The following MACROD2 variants were observed in gnomAD, a reference collection of about 807,000 sequenced individuals.
The protein encoded by MACROD2 is mono-ADP ribosylhydrolase 2, also known as ADP-ribose glycohydrolase MACROD2.
In MACROD2, 36 loss-of-function variants were observed where a neutral mutation model predicts 70.4. The observed-to-expected ratio is 0.51, with a 90% CI of 0.39 to 0.68. MACROD2 has a LOEUF of 0.68. MACROD2 is among the 30% of genes least tolerant of loss of function. The pLI, the probability that MACROD2 is intolerant of heterozygous loss-of-function variation, is 0.00. For synonymous variants in MACROD2, 172 were observed against 178.8 expected (o/e 0.96, Z 0.30); for missense variants, 496 against 538.4 (o/e 0.92, Z 0.78).
intron 5 of MACROD2, among the ~76,000 whole-genome samples, chr20:15,072,170 G>T (rs1325347396): frequency 6.6e-6 from 1 of 151,980 alleles, no homozygotes; most frequent in Admixed American, 6.6e-5. Context: ...TACATATTTT[G>T]TTTCAGAGAC....
At chr20:15,274,973 T>C (rs925742546) in intron 6 of MACROD2, among the ~76,000 whole-genome samples, 2 of 151,948 alleles carry the variant, frequency 1.3e-5, no homozygotes, top group African/African-American at 4.8e-5. Flanking sequence ...AGGCATATTC[T>C]AGGCAGTGTG....
intron 6 of MACROD2, among the ~76,000 whole-genome samples, chr20:15,405,060 A>G (rs2045981159): frequency 6.6e-6 from 1 of 152,220 alleles, no homozygotes; most frequent in Non-Finnish European, 1.5e-5. Flanking sequence ...GATTACATTT[A>G]TATAAAATGT....
intron 11 of MACROD2, among the ~76,000 whole-genome samples, chr20:15,933,871 C>G (rs2065616566): frequency 6.6e-6 from 1 of 152,170 alleles, no homozygotes; most frequent in Admixed American, 6.5e-5. Flanking sequence ...CTAAACCCTT[C>G]CTGACATCCC....
At chr20:15,641,863 C>G (rs2049465043) in intron 8 of MACROD2, among the ~76,000 whole-genome samples, 1 of 152,178 alleles carries the variant, frequency 6.6e-6, no homozygotes. Flanking sequence ...ATATCCTTCT[C>G]TTGCCAAAAC....
chr20:15,961,240 G>T (rs1388305705), intron 12 of MACROD2, among the ~76,000 whole-genome samples: 1 of 152,126 alleles, frequency 6.6e-6, no homozygotes, highest in African/African-American at 2.4e-5. Context: ...TCTCACTCAG[G>T]TGAGTTTGTG....
chr20:14,478,040 G>C (rs867744564), intron 3 of MACROD2, among the ~76,000 whole-genome samples: 1 of 152,124 alleles, frequency 6.6e-6, no homozygotes, highest in African/African-American at 2.4e-5. Context: ...AGCAGACTCC[G>C]AGATAAAGGT....
intron 6 of MACROD2, among the ~76,000 whole-genome samples, chr20:15,297,259 G>T (rs1359213885): frequency 1.3e-5 from 2 of 152,110 alleles, no homozygotes; most frequent in Non-Finnish European, 2.9e-5. Flanking sequence ...AATAAGTGCT[G>T]AGTGTTCTTT....
chr20:14,251,988 T>C (rs1047242462), intron 3 of MACROD2, among the ~76,000 whole-genome samples: 5 of 152,060 alleles, frequency 3.3e-5, no homozygotes, highest in African/African-American at 9.7e-5. Context: ...CTTAATTTGG[T>C]TGTAAGCAAT....
At chr20:15,216,353 A>G (rs1366339785) in intron 5 of MACROD2, among the ~76,000 whole-genome samples, 3 of 152,092 alleles carry the variant, frequency 2.0e-5, no homozygotes, top group African/African-American at 7.2e-5. Context: ...TTAAAAATTA[A>G]AAAATTTAAA....
Position 14,085,675 on chromosome 20 carries a change from C to A in MACROD2, c.218C>A (p.Ser73Tyr). The A allele has an allele frequency of 6.3e-7, 1 of 1,580,022 alleles. No homozygotes were observed. The highest frequency in any genetic ancestry group is 1.7e-5 in the Admixed American group (1 of 57,536). The change falls in exon 3 of 18, where the codon TCT becomes TAT. Residue 73 changes from serine to tyrosine, a missense_variant. Coordinates refer to ENST00000684519, the MANE Select transcript of MACROD2 (RefSeq NM_001351661.2). Reference sequence around the variant, plus strand: ...AAGAAAAGTTTGACTGAAAAAGTTTCTCTCTATAGAGGTGACATCACATTG... The same window carrying A: ...AAGAAAAGTTTGACTGAAAAAGTTTATCTCTATAGAGGTGACATCACATTG... ...QVKKSLTEKV[S>Y]LYRGDITLLE...
chr20:16,023,506 T>G, intron 15 of MACROD2, among the ~76,000 whole-genome samples: 1 of 146,968 alleles, frequency 6.8e-6, no homozygotes. Flanking sequence ...AGATGGTGCC[T>G]TGGTTTATGG....
chr20:14,394,270 G>A (rs1179634019), intron 3 of MACROD2, among the ~76,000 whole-genome samples: 1 of 152,212 alleles, frequency 6.6e-6, no homozygotes, highest in Non-Finnish European at 1.5e-5. Flanking sequence ...CATATATTTA[G>A]ATCTTCTTTA....
chr20:14,972,217 G>T (rs2074698245), intron 5 of MACROD2, among the ~76,000 whole-genome samples: 3 of 152,208 alleles, frequency 2.0e-5, no homozygotes, highest in Non-Finnish European at 2.9e-5. Context: ...TTCTATTGGT[G>T]TAAGTAGTCA....
chr20:15,229,280 G>A (rs973123303), intron 5 of MACROD2, among the ~76,000 whole-genome samples: 1 of 152,126 alleles, frequency 6.6e-6, no homozygotes, highest in African/African-American at 2.4e-5. Flanking sequence ...GCATTAAAAT[G>A]TTTGAATGTT....
rs192436450 is a variant in MACROD2, at chr20:14,295,309, C to T, written c.272-198170C>T. Among the ~76,000 whole-genome samples, 216 of 151,970 alleles carry T rather than the reference C, an allele frequency of 1.4e-3. 2 individuals are homozygous for T. The highest frequency in any genetic ancestry group is 0.013 in the Admixed American group (199 of 15,276). On this transcript the variant is annotated intron_variant, in intron 3 of 17. Coordinates refer to ENST00000684519, the MANE Select transcript of MACROD2 (RefSeq NM_001351661.2). ...TGTAATAAAAAACTAGAAAATCAAACACAAAATATGTAACAACTGTTTTCA... is the reference window on the plus strand; with the variant it reads ...TGTAATAAAAAACTAGAAAATCAAATACAAAATATGTAACAACTGTTTTCA...
intron 5 of MACROD2, among the ~76,000 whole-genome samples, chr20:15,094,249 T>C (rs972347410): frequency 3.3e-5 from 5 of 152,186 alleles, no homozygotes; most frequent in Non-Finnish European, 7.3e-5. Context: ...TAATAATACT[T>C]TGATGTACTT....
At chr20:14,705,736 T>A (rs1420519394) in intron 5 of MACROD2, among the ~76,000 whole-genome samples, 3 of 152,222 alleles carry the variant, frequency 2.0e-5, no homozygotes. Flanking sequence ...GGACTTTAAT[T>A]CTAAATTCAT....
chr20:14,446,456 G>T (rs1477705695), intron 3 of MACROD2, among the ~76,000 whole-genome samples: 2 of 152,026 alleles, frequency 1.3e-5, no homozygotes, highest in Non-Finnish European at 2.9e-5. Flanking sequence ...CTCAAGTTTT[G>T]AAGAGTTAGA....
intron 6 of MACROD2, among the ~76,000 whole-genome samples, chr20:15,323,267 A>C (rs2077891904): frequency 6.6e-6 from 1 of 152,190 alleles, no homozygotes; most frequent in Admixed American, 6.6e-5. Context: ...TGACAGGACC[A>C]TTGGCTTGCA....
Sources: gnomAD v4.1 joint callset for allele counts (sites outside exome capture counted in the v4.1 genomes callset) on GRCh38, gnomAD v4.1.1 for gene constraint, MANE v1.5 for transcripts, NCBI Gene and HGNC (gene_info 2026-07-23, HGNC 2026-07-21) for gene names.